PDE4D: variants seen among roughly 807,000 people sequenced by gnomAD.
The protein encoded by PDE4D is 3',5'-cyclic-AMP phosphodiesterase 4D.
In PDE4D, 24 loss-of-function variants were observed where a neutral mutation model predicts 87.4. The observed-to-expected ratio is 0.27, with a 90% CI of 0.20 to 0.39. The LOEUF is 0.39. PDE4D is among the 10% of genes least tolerant of loss of function. The pLI, the probability that PDE4D is intolerant of heterozygous loss-of-function variation, is 1.00. For synonymous variants in PDE4D, 384 were observed against 383.2 expected (o/e 1.00, Z -0.02); for missense variants, 714 against 1,041.0 (o/e 0.69, Z 4.32).
intron 1 of PDE4D, among the ~76,000 whole-genome samples, chr5:59,729,079 A>G (rs778463555): frequency 6.6e-6 from 1 of 152,130 alleles, no homozygotes; most frequent in Non-Finnish European, 1.5e-5. Flanking sequence ...ATTTATGAAG[A>G]AACTGTTGAC....
At chr5:59,364,408 T>C (rs912568281) in intron 1 of PDE4D, among the ~76,000 whole-genome samples, 1 of 152,178 alleles carries the variant, frequency 6.6e-6, no homozygotes, top group Admixed American at 6.5e-5. Context: ...CTTACTACCT[T>C]AAAAATGTAG....
chr5:60,300,572 T>C (rs1406316083), intron 1 of PDE4D, among the ~76,000 whole-genome samples: 1 of 152,166 alleles, frequency 6.6e-6, no homozygotes, highest in Non-Finnish European at 1.5e-5. Flanking sequence ...GAGTTAATTT[T>C]TGTATATGGT....
At chr5:60,016,025 CTGTGTGTG>C (rs70975359) in intron 2 of PDE4D, among the ~76,000 whole-genome samples, 2 of 146,726 alleles carry the variant, frequency 1.4e-5, no homozygotes, top group South Asian at 2.2e-4. Context: ...CTCTCTCTCT[CTGTGTGTG>C]TGTGTGTGTG....
At chr5:59,163,700 G>T (rs547061723) in intron 5 of PDE4D, among the ~76,000 whole-genome samples, 1 of 152,184 alleles carries the variant, frequency 6.6e-6, no homozygotes, top group South Asian at 2.1e-4. Flanking sequence ...ATACATTGCA[G>T]TGAACTCAGG....
intron 1 of PDE4D, among the ~76,000 whole-genome samples, chr5:59,551,055 A>G (rs1818033695): frequency 6.6e-6 from 1 of 152,084 alleles, no homozygotes; most frequent in Non-Finnish European, 1.5e-5. Context: ...CTGGAAATAG[A>G]ATCCCACCCT....
chr5:59,492,049 G>A (rs547175963), intron 1 of PDE4D, among the ~76,000 whole-genome samples: 1 of 152,254 alleles, frequency 6.6e-6, no homozygotes, highest in African/African-American at 2.4e-5. Flanking sequence ...ACTGCACACA[G>A]GTGTTGATCT....
chr5:59,435,983 G>A (rs1796752365), intron 1 of PDE4D, among the ~76,000 whole-genome samples: 1 of 152,034 alleles, frequency 6.6e-6, no homozygotes, highest in African/African-American at 2.4e-5. Context: ...TGCCTGCCTG[G>A]GCTATCAGTT....
intron 6 of PDE4D, among the ~76,000 whole-genome samples, chr5:58,994,704 G>A (rs75606815): frequency 0.067 from 10,159 of 152,114 alleles, 372 homozygotes; most frequent in African/African-American, 0.081. Flanking sequence ...ACTCTATACC[G>A]TTTGCTAAAT....
intron 1 of PDE4D, among the ~76,000 whole-genome samples, chr5:60,319,903 A>C (rs4540132): frequency 6.6e-6 from 1 of 152,036 alleles, no homozygotes; most frequent in Non-Finnish European, 1.5e-5. Flanking sequence ...ACTGGGGGGT[A>C]CCTCCCAGTT....
At chr5:60,424,359 G>C (rs1248258203) in intron 1 of PDE4D, among the ~76,000 whole-genome samples, 1 of 152,210 alleles carries the variant, frequency 6.6e-6, no homozygotes, top group Non-Finnish European at 1.5e-5. Context: ...TCATCCCAGG[G>C]ATGCAAGGCT....
intron 2 of PDE4D, among the ~76,000 whole-genome samples, chr5:60,151,213 C>G (rs1056183693): frequency 4.6e-5 from 7 of 152,126 alleles, no homozygotes; most frequent in African/African-American, 1.4e-4. Flanking sequence ...TCATAAATCT[C>G]TTTTAGAAGC....
intron 1 of PDE4D, among the ~76,000 whole-genome samples, chr5:60,424,766 T>C (rs879105136): frequency 6.6e-6 from 1 of 152,178 alleles, no homozygotes; most frequent in African/African-American, 2.4e-5. Context: ...GATGACATGA[T>C]TGTATATTTA....
At chr5:60,021,821 C>T (rs1164124562) in intron 2 of PDE4D, 1 of 152,194 alleles carries the variant, frequency 6.6e-6, no homozygotes, top group East Asian at 1.9e-4. Flanking sequence ...CATTTCAAGT[C>T]CATCCTCAAG....
chr5:60,260,923 C>A (rs899898753), intron 1 of PDE4D, among the ~76,000 whole-genome samples: 5 of 152,002 alleles, frequency 3.3e-5, no homozygotes, highest in Non-Finnish European at 1.5e-5. Flanking sequence ...AAGTCATTGC[C>A]AACCTTACAA....
chr5:59,223,861 T>A (rs1753091469), intron 1 of PDE4D, among the ~76,000 whole-genome samples: 1 of 152,194 alleles, frequency 6.6e-6, no homozygotes, highest in East Asian at 1.9e-4. Context: ...GGCATGATAT[T>A]TAGCTACTTT....
intron 1 of PDE4D, among the ~76,000 whole-genome samples, chr5:59,626,073 G>C (rs368254415): frequency 5.6e-4 from 85 of 152,286 alleles, no homozygotes; most frequent in African/African-American, 2.0e-3. Context: ...GGGTGAAAGA[G>C]TGAGACTCCG....
chr5:59,130,527 T>C (rs1241928493), intron 5 of PDE4D, among the ~76,000 whole-genome samples: 1 of 152,196 alleles, frequency 6.6e-6, no homozygotes, highest in Non-Finnish European at 1.5e-5. Context: ...CATAAAATAA[T>C]AATAGCATTT....
At chr5:60,502,402 G>A (rs1339276430) in intron 1 of PDE4D, among the ~76,000 whole-genome samples, 4 of 152,172 alleles carry the variant, frequency 2.6e-5, no homozygotes, top group Non-Finnish European at 4.4e-5. Context: ...TTTGGTTACT[G>A]TAGCCTTGTA....
chr5:60,224,828 G>T (rs1204443092), intron 1 of PDE4D, among the ~76,000 whole-genome samples: 1 of 151,996 alleles, frequency 6.6e-6, no homozygotes, highest in South Asian at 2.1e-4. Context: ...GAGGTAGAAA[G>T]AATTCGTGGC....
Sources: allele counts gnomAD v4.1 joint callset (sites outside exome capture counted in the v4.1 genomes callset), GRCh38; gene constraint gnomAD v4.1.1; transcripts MANE v1.5; gene names NCBI Gene and HGNC (gene_info 2026-07-23, HGNC 2026-07-21).